Variants in SMAD3 observed in about 807,000 individuals in gnomAD.
SMAD3 encodes the protein SMAD family member 3.
Under a neutral mutation model 51.8 loss-of-function variants are expected in SMAD3, and 12 were observed. That is an observed-to-expected ratio of 0.23 (90% confidence interval 0.15 to 0.38). The LOEUF (loss-of-function observed/expected upper bound fraction) is 0.38. Ranked by LOEUF, SMAD3 falls within the 10% of genes least tolerant of loss-of-function variation. The probability of loss-of-function intolerance (pLI) is 1.00; values close to 1 mark genes in which losing one functional copy is unlikely to be tolerated. For synonymous variants in SMAD3, 238 were observed against 227.7 expected (o/e 1.05, Z -0.41); for missense variants, 294 against 565.6 (o/e 0.52, Z 4.87).
intron 1 of SMAD3, among the ~76,000 whole-genome samples, chr15:67,093,101 A>G (rs966771114): frequency 1.3e-5 from 2 of 152,088 alleles, no homozygotes. Flanking sequence ...ATCTAACCCT[A>G]CAGTTACTAT....
At chr15:67,162,282 A>C (rs1314282353) in intron 1 of SMAD3, among the ~76,000 whole-genome samples, 1 of 152,206 alleles carries the variant, frequency 6.6e-6, no homozygotes, top group East Asian at 1.9e-4. Flanking sequence ...GAAGGCACAG[A>C]GGGAAAGCTT....
chr15:67,082,838 C>T (rs761580019), intron 1 of SMAD3, among the ~76,000 whole-genome samples: 2 of 152,172 alleles, frequency 1.3e-5, no homozygotes, highest in African/African-American at 2.4e-5. Flanking sequence ...TAACTTGGAA[C>T]CCCAGGGAAC....
intron 1 of SMAD3, among the ~76,000 whole-genome samples, chr15:67,103,785 G>T (rs913729218): frequency 6.6e-6 from 1 of 152,190 alleles, no homozygotes; most frequent in Non-Finnish European, 1.5e-5. Context: ...AGTGCTTCTG[G>T]ATCCACCGTT....
At chr15:67,109,405 G>A (rs961504036) in intron 1 of SMAD3, among the ~76,000 whole-genome samples, 8 of 152,144 alleles carry the variant, frequency 5.3e-5, no homozygotes, top group African/African-American at 1.9e-4. Flanking sequence ...GAAGGTCAGA[G>A]TGGACCTCGT....
chr15:67,070,101 T>C (rs1415748129), intron 1 of SMAD3, among the ~76,000 whole-genome samples: 1 of 152,222 alleles, frequency 6.6e-6, no homozygotes, highest in Non-Finnish European at 1.5e-5. Context: ...GTCTTTAACA[T>C]GCCTTTTCCA....
At chr15:67,074,743 G>A (rs1365803610) in intron 1 of SMAD3, among the ~76,000 whole-genome samples, 1 of 152,158 alleles carries the variant, frequency 6.6e-6, no homozygotes, top group Non-Finnish European at 1.5e-5. Context: ...AGGCTGGAGT[G>A]CAGTGGCGTG....
rs56778962 is a variant in SMAD3, at chr15:67,182,608, T to G, written c.871+1155T>G. Among the ~76,000 whole-genome samples, 6 of 152,090 alleles carry G rather than the reference T, an allele frequency of 3.9e-5. No individual in the cohort carries two copies. In the East Asian group the frequency reaches 1.2e-3, roughly 29 times the overall value. ...GACTTCATTTGAAGAGAGGATTGAT[T>G]CTGTAGTGAAGAGAAGAAAAGTTTG... is the stretch of plus-strand genomic sequence containing the variant. On this transcript the variant is annotated intron_variant, in intron 6 of 8. Coordinates refer to ENST00000327367, the MANE Select transcript of SMAD3 (RefSeq NM_005902.4).
rs575318401 is a variant in SMAD3 at position 67,116,917 on chromosome 15, C to T, written c.207-47978C>T. Among the ~76,000 whole-genome samples, 4 of 152,234 alleles carry T rather than the reference C, an allele frequency of 2.6e-5. No individual in the cohort carries two copies. In the South Asian group the frequency reaches 6.2e-4, roughly 24 times the overall value. On this transcript the variant is annotated intron_variant, in intron 1 of 8. Transcript: ENST00000327367. ...GAGCAAAGGTCAGGAGGTGAGAAAGCAGATAAATGCAATGTTTATCTTGAA... is the reference window on the plus strand; with the variant it reads ...GAGCAAAGGTCAGGAGGTGAGAAAGTAGATAAATGCAATGTTTATCTTGAA...
chr15:67,098,763 C>T (rs1452192786), intron 1 of SMAD3: 8 of 642,864 alleles, frequency 1.2e-5, no homozygotes, highest in South Asian at 5.2e-5. Flanking sequence ...CCACAGCCCC[C>T]GGAAGGCAGG....
chr15:67,076,892 A>AT (rs1266528129), intron 1 of SMAD3, among the ~76,000 whole-genome samples: 1 of 152,180 alleles, frequency 6.6e-6, no homozygotes, highest in African/African-American at 2.4e-5. Context: ...ATGGCTGGGC[A>AT]AGGGGTGCAG....
chr15:67,144,036 A>T (rs1961906438), intron 1 of SMAD3, among the ~76,000 whole-genome samples: 1 of 151,848 alleles, frequency 6.6e-6, no homozygotes, highest in African/African-American at 2.4e-5. Context: ...TTTAATGTGT[A>T]CAATTTGATG....
At chr15:67,168,652 C>T (rs1962657912) in intron 4 of SMAD3, among the ~76,000 whole-genome samples, 1 of 152,240 alleles carries the variant, frequency 6.6e-6, no homozygotes, top group African/African-American at 2.4e-5. Flanking sequence ...TGTTTCTTCT[C>T]CCTCCTCTTC....
At chr15:67,082,055 C>G (rs936979976) in intron 1 of SMAD3, among the ~76,000 whole-genome samples, 1 of 152,052 alleles carries the variant, frequency 6.6e-6, no homozygotes, top group Non-Finnish European at 1.5e-5. Context: ...AAGTGAGACT[C>G]CTGAACACTT....
chr15:67,151,765 T>C (rs535136923), intron 1 of SMAD3, among the ~76,000 whole-genome samples: 1 of 152,228 alleles, frequency 6.6e-6, no homozygotes, highest in African/African-American at 2.4e-5. Flanking sequence ...ATTATGGTGA[T>C]CACATCAGGT....
At chr15:67,100,152 G>T (rs1470100231) in intron 1 of SMAD3, among the ~76,000 whole-genome samples, 1 of 136,730 alleles carries the variant, frequency 7.3e-6, no homozygotes, top group East Asian at 2.2e-4. Flanking sequence ...TTGCACTCCA[G>T]CCTGGGCAAC....
chr15:67,130,489 C>T (rs1167084584), intron 1 of SMAD3, among the ~76,000 whole-genome samples: 1 of 152,098 alleles, frequency 6.6e-6, no homozygotes, highest in Non-Finnish European at 1.5e-5. Flanking sequence ...GGAGCGTGAA[C>T]CCTATTGTGA....
At chr15:67,145,629 C>G (rs563884603) in intron 1 of SMAD3, among the ~76,000 whole-genome samples, 19 of 152,238 alleles carry the variant, frequency 1.2e-4, no homozygotes, top group African/African-American at 4.3e-4. Flanking sequence ...ATGGGTGACA[C>G]TGTATGTCAG....
At chr15:67,095,562 T>C (rs900223429) in intron 1 of SMAD3, among the ~76,000 whole-genome samples, 14 of 145,498 alleles carry the variant, frequency 9.6e-5, no homozygotes, top group Admixed American at 4.8e-4. Flanking sequence ...TTTTTTTTTT[T>C]GTTATTGTTG....
chr15:67,170,920 G>A (rs1272537545), intron 5 of SMAD3, among the ~76,000 whole-genome samples: 2 of 152,238 alleles, frequency 1.3e-5, no homozygotes, highest in Non-Finnish European at 2.9e-5. Flanking sequence ...CTAAGCATAC[G>A]TGTGCAGTTT....
Sources: allele counts gnomAD v4.1 joint callset (sites outside exome capture counted in the v4.1 genomes callset), GRCh38; gene constraint gnomAD v4.1.1; transcripts MANE v1.5; gene names NCBI Gene and HGNC (gene_info 2026-07-23, HGNC 2026-07-21).